Variants in ZNF708 observed in about 807,000 individuals in gnomAD.
The protein encoded by ZNF708 is ZNF15, ZNF15L1.
Under a neutral mutation model 47.0 loss-of-function variants are expected in ZNF708, and 44 were observed. The ratio of observed to expected loss-of-function variants is 0.94; its 90% confidence interval spans 0.74 to 1.20. The LOEUF (loss-of-function observed/expected upper bound fraction) is 1.20. Among genes scored for constraint, ZNF708 ranks in the 50% most tolerant of loss-of-function variants. ZNF708 has a pLI of 0.00. For synonymous variants in ZNF708, 184 were observed against 218.5 expected (o/e 0.84, Z 1.39); for missense variants, 557 against 656.0 (o/e 0.85, Z 1.65).
At chr19:21,318,422 C>A (rs987737281) in intron 1 of ZNF708, 1 of 152,084 alleles carries the variant, frequency 6.6e-6, no homozygotes, top group African/African-American at 2.4e-5. Context: ...TGGTCTGATT[C>A]TACTGCAAAA....
At chr19:21,305,666 T>G (rs1277418773) in intron 3 of ZNF708, among the ~76,000 whole-genome samples, 1 of 151,924 alleles carries the variant, frequency 6.6e-6, no homozygotes, top group Admixed American at 6.6e-5. Context: ...TTTCACCATG[T>G]TCTCCAGGAT....
intron 1 of ZNF708, among the ~76,000 whole-genome samples, chr19:21,320,560 G>A (rs1232172493): frequency 6.6e-6 from 1 of 151,858 alleles, no homozygotes; most frequent in Non-Finnish European, 1.5e-5. Context: ...AGGCATGGTG[G>A]TGCATGCCTG....
chr19:21,295,850 A>C (rs565247819), intron 3 of ZNF708, among the ~76,000 whole-genome samples: 3 of 152,314 alleles, frequency 2.0e-5, no homozygotes, highest in African/African-American at 7.2e-5. Context: ...CAAAAACATT[A>C]CTAAACTTTC....
In ZNF708 at chr19:21,310,584, T is replaced by G; in HGVS notation, c.47A>C (p.Glu16Ala). 6.5e-6 allele frequency: 10 copies of G among 1,545,254 alleles called. No individual in the cohort carries two copies. The highest frequency in any genetic ancestry group is 8.7e-6 in the Non-Finnish European group (10 of 1,144,470). Reference sequence around the variant, plus strand: ...TGCTGTGTCCAGGCACTGCCACTCCTCCAGAGAGAATTCTATGGCCACATC... The same window carrying G: ...TGCTGTGTCCAGGCACTGCCACTCCGCCAGAGAGAATTCTATGGCCACATC... ...FMDVAIEFSL[E>A]EWQCLDTAQQ... is the part of the protein sequence containing the mutation. Residue 16 changes from glutamate to alanine, a missense_variant, in exon 2 of 4, where the codon GAG becomes GCG. Coordinates refer to ENST00000356929, the MANE Select transcript of ZNF708 (RefSeq NM_021269.3).
intron 1 of ZNF708, among the ~76,000 whole-genome samples, chr19:21,326,680 C>G (rs1973261857): frequency 6.6e-6 from 1 of 152,130 alleles, no homozygotes; most frequent in Non-Finnish European, 1.5e-5. Flanking sequence ...CCTATAATCC[C>G]AACACTTTGG....
chr19:21,328,774 T>C (rs1973312204), intron 1 of ZNF708, among the ~76,000 whole-genome samples: 1 of 152,264 alleles, frequency 6.6e-6, no homozygotes, highest in South Asian at 2.1e-4. Context: ...AATCACTCTT[T>C]GATTAAATTC....
At chr19:21,297,588 G>A (rs943143029) in intron 3 of ZNF708, among the ~76,000 whole-genome samples, 21 of 125,358 alleles carry the variant, frequency 1.7e-4, no homozygotes, top group Non-Finnish European at 1.3e-4. Context: ...TTAAACAATA[G>A]AATTAATAAA....
chr19:21,325,029 C>A (rs183925566), intron 1 of ZNF708, among the ~76,000 whole-genome samples: 1 of 152,088 alleles, frequency 6.6e-6, no homozygotes, highest in Non-Finnish European at 1.5e-5. Context: ...AATTACCAAG[C>A]CATAAAAAAT....
At chr19:21,297,254 A>G (rs1972545784) in intron 3 of ZNF708, among the ~76,000 whole-genome samples, 4 of 13,264 alleles carry the variant, frequency 3.0e-4, no homozygotes, top group Admixed American at 1.3e-3. Context: ...GTATATATAT[A>G]TATATATATA....
rs553023394 is a variant in ZNF708, at chr19:21,294,978, G to A, written c.227-239C>T. Among the ~76,000 whole-genome samples the A allele has an allele frequency of 7.9e-5, 12 of 151,916 alleles. No homozygotes were observed. The South Asian group carries it at 2.5e-3, about 32-fold the overall frequency. On this transcript the variant is annotated intron_variant, in intron 3 of 3. Transcript: ENST00000356929. The stretch of plus-strand genomic sequence containing the variant: ...GATGACAATGCAAAGAGCCACATAG[G>A]AGAAAAAAGAAAAGTCTGTTACATT...
chr19:21,319,973 C>G (rs966259880), intron 1 of ZNF708, among the ~76,000 whole-genome samples: 12 of 151,854 alleles, frequency 7.9e-5, no homozygotes, highest in African/African-American at 2.9e-4. Context: ...GTCAGGAGTT[C>G]AAGACCAACC....
chr19:21,304,299 A>T (rs1199647473), intron 3 of ZNF708, among the ~76,000 whole-genome samples: 1 of 151,762 alleles, frequency 6.6e-6, no homozygotes, highest in Non-Finnish European at 1.5e-5. Context: ...CATTTGAATC[A>T]ATAGAGCGTA....
chr19:21,307,380 C>A (rs1270454092), intron 3 of ZNF708, among the ~76,000 whole-genome samples: 5 of 151,982 alleles, frequency 3.3e-5, no homozygotes, highest in Non-Finnish European at 7.4e-5. Context: ...AATCCCAGCA[C>A]TTTGGGAAGC....
In ZNF708 at chr19:21,316,788, C is replaced by CT. The variant is rs869118560; in HGVS notation, c.4-6162dup. ...GCCAATATGGTGAAATCCCATCTCT[C>CT]TTTTTTTTTTTTTTTGAAACGAAGT... is the stretch of plus-strand genomic sequence containing the variant. On this transcript the variant is annotated intron_variant, in intron 1 of 3. Coordinates refer to ENST00000356929, the MANE Select transcript of ZNF708 (RefSeq NM_021269.3). Among the ~76,000 whole-genome samples the CT allele has an allele frequency of 2.1e-3, 288 of 138,850 alleles. 2 individuals are homozygous for CT. Among genetic ancestry groups the CT allele is most frequent in the South Asian group, 9.7e-3 (42 of 4,352 alleles). The allele number at this position is 138,850 out of a possible 152,430, so 91.1% of individuals were successfully genotyped here.
intron 3 of ZNF708, among the ~76,000 whole-genome samples, chr19:21,304,222 G>A (rs1972716134): frequency 6.6e-6 from 1 of 151,586 alleles, no homozygotes; most frequent in Non-Finnish European, 1.5e-5. Flanking sequence ...ACATCACACA[G>A]TAAGAGACAG....
At chr19:21,307,195 T>C (rs919500331) in intron 3 of ZNF708, among the ~76,000 whole-genome samples, 1 of 147,242 alleles carries the variant, frequency 6.8e-6, no homozygotes. Context: ...TAAAATACAA[T>C]AGGAATTACA....
chr19:21,327,532 CAA>C (rs34203181), intron 1 of ZNF708, among the ~76,000 whole-genome samples: 25 of 133,838 alleles, frequency 1.9e-4, no homozygotes, highest in East Asian at 1.1e-3. Context: ...AACTCCACCT[CAA>C]AAAAAAAAAA....
At chr19:21,314,139 G>A (rs571140122) in intron 1 of ZNF708, among the ~76,000 whole-genome samples, 8 of 152,134 alleles carry the variant, frequency 5.3e-5, no homozygotes, top group African/African-American at 1.9e-4. Context: ...ATCTAAACAA[G>A]GCCCTCAAGA....
At position 21,294,478 on chromosome 19, in the gene ZNF708, G is replaced by A; in HGVS notation, c.488C>T (p.Thr163Ile). The change falls in exon 4 of 4, where the codon ACT becomes ATT. Residue 163 changes from threonine to isoleucine, a missense_variant. Transcript: ENST00000356929. ...TTTACATTTGAAAGGATTTTTTCCA[G>A]TATGTCTTATCTTATGTCTCTTTGC... ...SNAKRHKIRH[T>I]GKNPFKCKEC... is the part of the protein sequence containing the mutation. The A allele has an allele frequency of 1.2e-6, 2 of 1,614,114 alleles. No homozygotes were observed. The highest frequency in any genetic ancestry group is 2.2e-5 in the East Asian group (1 of 44,874).
Sources: allele counts gnomAD v4.1 joint callset (sites outside exome capture counted in the v4.1 genomes callset), GRCh38; gene constraint gnomAD v4.1.1; transcripts MANE v1.5; gene names NCBI Gene and HGNC (gene_info 2026-07-23, HGNC 2026-07-21).